LRRTM3: variants seen among roughly 807,000 people sequenced by gnomAD.
The protein encoded by LRRTM3 is leucine rich repeat transmembrane neuronal 3.
In LRRTM3, 24 loss-of-function variants were observed where a neutral mutation model predicts 44.7. The ratio of observed to expected loss-of-function variants is 0.54; its 90% CI spans 0.39 to 0.76. LRRTM3 has a LOEUF of 0.76. Among genes scored for constraint, LRRTM3 ranks in the 30% least tolerant of loss-of-function variants. The probability of loss-of-function intolerance (pLI) is 0.00; values close to 1 mark genes in which losing one functional copy is unlikely to be tolerated. For missense variants in LRRTM3, 587 were observed against 702.2 expected, an observed-to-expected ratio of 0.84 and a Z score of 1.85; for synonymous variants, 277 against 278.7, an observed-to-expected ratio of 0.99 and a Z score of 0.06.
intron 2 of LRRTM3, among the ~76,000 whole-genome samples, chr10:67,023,705 T>C (rs1008884017): frequency 6.6e-6 from 1 of 152,342 alleles, no homozygotes; most frequent in South Asian, 2.1e-4. Context: ...TCAGAACTAC[T>C]AATCTTCTTA....
At chr10:66,946,295 C>T (rs922368323) in intron 2 of LRRTM3, among the ~76,000 whole-genome samples, 39 of 152,116 alleles carry the variant, frequency 2.6e-4, no homozygotes, top group African/African-American at 9.4e-4. Flanking sequence ...ACATTTTGAC[C>T]TGCATGCTGG....
intron 2 of LRRTM3, among the ~76,000 whole-genome samples, chr10:67,002,957 A>C (rs553944423): frequency 6.6e-6 from 1 of 152,290 alleles, no homozygotes; most frequent in African/African-American, 2.4e-5. Flanking sequence ...ACTCTTCGTA[A>C]GACTTGTGGC....
intron 2 of LRRTM3, among the ~76,000 whole-genome samples, chr10:66,954,164 T>C (rs191006322): frequency 8.5e-4 from 130 of 152,284 alleles, no homozygotes; most frequent in Non-Finnish European, 1.5e-3. Context: ...TAAAATAAAG[T>C]TTCTAGTATG....
chr10:66,950,128 T>C (rs1848464301), intron 2 of LRRTM3, among the ~76,000 whole-genome samples: 1 of 152,198 alleles, frequency 6.6e-6, no homozygotes, highest in South Asian at 2.1e-4. Context: ...AAATTATTTC[T>C]TCTGCCTGGA....
chr10:66,935,172 G>A (rs1847624906), intron 2 of LRRTM3, among the ~76,000 whole-genome samples: 1 of 152,134 alleles, frequency 6.6e-6, no homozygotes, highest in Non-Finnish European at 1.5e-5. Context: ...AATATTTGAT[G>A]CAGTCAACCA....
At chr10:66,963,562 A>T (rs1213196434) in intron 2 of LRRTM3, among the ~76,000 whole-genome samples, 1 of 152,150 alleles carries the variant, frequency 6.6e-6, no homozygotes, top group Non-Finnish European at 1.5e-5. Context: ...AGATGAACTG[A>T]TCACCTGCAG....
At position 66,928,441 on chromosome 10, in the gene LRRTM3, A is replaced by G. The variant is rs373609386; in HGVS notation, c.1525A>G (p.Arg509Gly). ...GPCTYNKSGS[R>G]ECEIPLSMNV... ...CTGCACCTATAACAAATCGGGCTCC[A>G]GGGAGTGTGAGGTATGAACCATTGT... Residue 509 changes from arginine to glycine, a missense_variant, in exon 2 of 3, where the codon AGG becomes GGG. Arg to Gly is a moderately radical substitution (Grantham distance 125). This residue lies in a region of LRRTM3 where 315 missense variants were observed against 335.6 expected (regional missense o/e 0.94). Coordinates refer to ENST00000361320, the MANE Select transcript of LRRTM3 (RefSeq NM_178011.5). The G allele has an allele frequency of 1.2e-6, 2 of 1,606,310 alleles. No individual in the cohort carries two copies. Among genetic ancestry groups the G allele is most frequent in the Non-Finnish European group, 8.5e-7 (1 of 1,177,192 alleles).
rs1358847665 is a variant in LRRTM3 at position 67,100,204 on chromosome 10, C to T, written c.*2408C>T. Among the ~76,000 whole-genome samples, 2 of 151,610 alleles carry T rather than the reference C, an allele frequency of 1.3e-5. No homozygotes were observed. The highest frequency in any genetic ancestry group is 4.8e-5 in the African/African-American group (2 of 41,342). On this transcript the variant is annotated 3_prime_UTR_variant, in exon 3 of 3. Coordinates refer to ENST00000361320, the MANE Select transcript of LRRTM3 (RefSeq NM_178011.5). ...TTTCCTGAAGGAAACCACTTTCTTT[C>T]TTAAATATTTTAAATTCATCTAAAG...
At chr10:66,962,298 G>A (rs1849152568) in intron 2 of LRRTM3, among the ~76,000 whole-genome samples, 1 of 152,110 alleles carries the variant, frequency 6.6e-6, no homozygotes, top group Non-Finnish European at 1.5e-5. Flanking sequence ...ATTACAGGAA[G>A]AGAACTTCCT....
intron 2 of LRRTM3, among the ~76,000 whole-genome samples, chr10:67,059,275 C>A (rs1424444471): frequency 6.6e-6 from 1 of 152,052 alleles, no homozygotes; most frequent in Admixed American, 6.6e-5. Flanking sequence ...TTTGAATTAG[C>A]TAAATGAATT....
At chr10:67,073,662 A>T (rs1856584970) in intron 2 of LRRTM3, among the ~76,000 whole-genome samples, 1 of 152,218 alleles carries the variant, frequency 6.6e-6, no homozygotes, top group Non-Finnish European at 1.5e-5. Flanking sequence ...TAGAGATACA[A>T]AAGAAGTTAT....
At chr10:66,970,377 C>A (rs1849649447) in intron 2 of LRRTM3, among the ~76,000 whole-genome samples, 1 of 152,026 alleles carries the variant, frequency 6.6e-6, no homozygotes, top group African/African-American at 2.4e-5. Context: ...TCAGCTTCTT[C>A]TCGATATACA....
intron 2 of LRRTM3, among the ~76,000 whole-genome samples, chr10:67,081,236 T>C (rs1277348493): frequency 1.3e-5 from 2 of 152,180 alleles, no homozygotes; most frequent in East Asian, 3.9e-4. Context: ...GCAGGGCATT[T>C]AAAATGCTTA....
chr10:67,063,286 T>A (rs964507024), intron 2 of LRRTM3, among the ~76,000 whole-genome samples: 7 of 152,180 alleles, frequency 4.6e-5, no homozygotes, highest in African/African-American at 9.7e-5. Context: ...ATGTATTAGT[T>A]CACATTTGTT....
chr10:66,928,596 C>G (rs969031250), intron 2 of LRRTM3, 144 bp downstream of exon 2: 28 of 711,906 alleles, frequency 3.9e-5, no homozygotes, highest in Middle Eastern at 7.2e-4. Flanking sequence ...CCTTCCTTGT[C>G]CGTTTTAGTG....
At chr10:67,067,658 AG>A (rs1856175285) in intron 2 of LRRTM3, among the ~76,000 whole-genome samples, 1 of 152,242 alleles carries the variant, frequency 6.6e-6, no homozygotes, top group African/African-American at 2.4e-5. Flanking sequence ...GCTAAGAGTC[AG>A]TATTATTAAC....
intron 2 of LRRTM3, among the ~76,000 whole-genome samples, chr10:66,987,090 C>A (rs914060414): frequency 6.6e-6 from 1 of 152,122 alleles, no homozygotes; most frequent in Non-Finnish European, 1.5e-5. Context: ...GACGTGAAGT[C>A]CTTTTAGCAT....
rs369234876 is a variant in LRRTM3, at chr10:66,940,334, A to C, written c.1536+11882A>C. On this transcript the variant is annotated intron_variant, in intron 2 of 2. Coordinates refer to ENST00000361320, the MANE Select transcript of LRRTM3 (RefSeq NM_178011.5). ...CATAGCAAGGCCTCATCTCTACAAA[A>C]AATGAAAAAAAATTACCTGGGTGTG... Among the ~76,000 whole-genome samples the C allele has an allele frequency of 1.1e-4, 17 of 152,074 alleles. No individual in the cohort carries two copies. The East Asian group carries it at 3.3e-3, about 29-fold the overall frequency.
chr10:66,962,980 A>ATGAG (rs1205756057), intron 2 of LRRTM3, among the ~76,000 whole-genome samples: 1 of 152,036 alleles, frequency 6.6e-6, no homozygotes, highest in African/African-American at 2.4e-5. Flanking sequence ...TGTTGACTGA[A>ATGAG]TGAATGAATG....
Sources: gnomAD v4.1 joint callset for allele counts (sites outside exome capture counted in the v4.1 genomes callset) on GRCh38, gnomAD v4.1.1 for gene constraint, gnomAD v4.1.1 regional missense constraint, MANE v1.5 for transcripts, NCBI Gene and HGNC (gene_info 2026-07-23, HGNC 2026-07-21) for gene names.